OCLN: variants seen among roughly 807,000 people sequenced by gnomAD.
OCLN encodes phosphatase 1, regulatory subunit 115.
Under a neutral mutation model 47.9 loss-of-function variants are expected in OCLN, and 21 were observed. The ratio of observed to expected loss-of-function variants is 0.44; its 90% CI spans 0.31 to 0.63. The LOEUF is 0.63. Among genes scored for constraint, OCLN ranks in the 30% least tolerant of loss-of-function variants. OCLN has a pLI of 0.08. For synonymous variants in OCLN, 117 were observed against 198.4 expected, an observed-to-expected ratio of 0.59 and a Z score of 3.45; for missense variants, 360 against 571.0, an observed-to-expected ratio of 0.63 and a Z score of 3.77.
At chr5:69,522,601 A>G (rs992633978) in intron 4 of OCLN, among the ~76,000 whole-genome samples, 1 of 152,144 alleles carries the variant, frequency 6.6e-6, no homozygotes, top group Non-Finnish European at 1.5e-5. Context: ...CAGGATATAC[A>G]CTGGACCACC....
chr5:69,503,652 C>T (rs1768519137), intron 1 of OCLN, among the ~76,000 whole-genome samples: 1 of 152,088 alleles, frequency 6.6e-6, no homozygotes, highest in Non-Finnish European at 1.5e-5. Flanking sequence ...AGAAAATGAC[C>T]AATTAATACC....
At position 69,493,263 on chromosome 5, in the gene OCLN, T is replaced by C. The variant is rs1768192372; in HGVS notation, c.-69+363T>C. On this transcript the variant is annotated intron_variant, in intron 1 of 8. Transcript: ENST00000396442. The surrounding 1 kb of genome is among the most constrained non-coding windows in gnomAD (Gnocchi z 5.3). ...CCTGCATCCGCTCTGGGGCTGCAGT[T>C]TGGGGGGGCGGCCTTCATGGAGAGG... 6.6e-6 allele frequency among the ~76,000 whole-genome samples: 1 copy of C among 152,050 alleles called. No individual in the cohort carries two copies. The highest frequency in any genetic ancestry group is 2.1e-4 in the South Asian group (1 of 4,818).
chr5:69,535,991 C>T (rs899215019), intron 5 of OCLN, among the ~76,000 whole-genome samples: 2 of 152,198 alleles, frequency 1.3e-5, no homozygotes, highest in Non-Finnish European at 2.9e-5. Flanking sequence ...TGGCGCATGC[C>T]TGTAATCCCA....
At chr5:69,533,310 C>A (rs1769500450) in intron 4 of OCLN, among the ~76,000 whole-genome samples, 1 of 152,094 alleles carries the variant, frequency 6.6e-6, no homozygotes, top group Non-Finnish European at 1.5e-5. Flanking sequence ...CTGCCTGGGA[C>A]ATGCTTCCAA....
At chr5:69,512,411 C>A (rs1430328238) in intron 3 of OCLN, among the ~76,000 whole-genome samples, 1 of 152,204 alleles carries the variant, frequency 6.6e-6, no homozygotes, top group Admixed American at 6.5e-5. Flanking sequence ...CTGCATTAAT[C>A]ATATGTCCTA....
chr5:69,524,653 T>C (rs892169428), intron 4 of OCLN, among the ~76,000 whole-genome samples: 1 of 152,220 alleles, frequency 6.6e-6, no homozygotes, highest in Non-Finnish European at 1.5e-5. Flanking sequence ...TTTGGATTAT[T>C]AAGACCATTA....
intron 1 of OCLN, among the ~76,000 whole-genome samples, chr5:69,502,059 C>T (rs764458509): frequency 7.2e-5 from 11 of 151,904 alleles, no homozygotes; most frequent in Non-Finnish European, 1.5e-4. Flanking sequence ...ATTAGCCGGG[C>T]GTGGCAGCGT....
intron 4 of OCLN, among the ~76,000 whole-genome samples, chr5:69,515,102 C>T (rs1232341335): frequency 3.3e-5 from 5 of 151,574 alleles, no homozygotes; most frequent in African/African-American, 4.8e-5. Flanking sequence ...TAGGGGCGGC[C>T]GGGCAGAGGC....
intron 1 of OCLN, 61 bp from the exon 2 acceptor site, chr5:69,504,116 G>T: frequency 1.4e-6 from 1 of 734,216 alleles, no homozygotes; most frequent in Non-Finnish European, 2.5e-6. Context: ...GGGGTGGGAT[G>T]AAGAAAAGAA....
At chr5:69,514,400 C>T (rs181956111) in intron 4 of OCLN, among the ~76,000 whole-genome samples, 2 of 152,286 alleles carry the variant, frequency 1.3e-5, no homozygotes, top group African/African-American at 4.8e-5. Context: ...AAAACTACTT[C>T]TTCCCTCTAC....
At chr5:69,524,832 G>A (rs975632568) in intron 4 of OCLN, among the ~76,000 whole-genome samples, 3 of 152,216 alleles carry the variant, frequency 2.0e-5, no homozygotes, top group East Asian at 1.9e-4. Context: ...GATTATAGGC[G>A]TATGCCACCA....
chr5:69,507,528 T>C (rs1299844107), intron 2 of OCLN, among the ~76,000 whole-genome samples: 1 of 152,242 alleles, frequency 6.6e-6, no homozygotes, highest in Non-Finnish European at 1.5e-5. Flanking sequence ...TCATAGTTCA[T>C]CAGTTTTGGC....
intron 4 of OCLN, among the ~76,000 whole-genome samples, chr5:69,524,474 T>C (rs978382706): frequency 5.9e-5 from 9 of 152,232 alleles, no homozygotes; most frequent in Admixed American, 5.9e-4. Flanking sequence ...TTTTTAACTT[T>C]GTAGAAGGTG....
intron 4 of OCLN, among the ~76,000 whole-genome samples, chr5:69,515,500 C>A (rs1287219953): frequency 5.9e-5 from 7 of 119,172 alleles, no homozygotes; most frequent in East Asian, 2.7e-4. Flanking sequence ...AGGCGCCCCT[C>A]ACCTCCCGGA....
At chr5:69,548,997 A>G (rs1353986147) in intron 7 of OCLN, among the ~76,000 whole-genome samples, 5 of 147,536 alleles carry the variant, frequency 3.4e-5, no homozygotes, top group Non-Finnish European at 6.0e-5. Flanking sequence ...TAGCCTTATT[A>G]TCTTTCCTAT....
chr5:69,497,629 C>G (rs924726326), intron 1 of OCLN, among the ~76,000 whole-genome samples: 1 of 152,032 alleles, frequency 6.6e-6, no homozygotes, highest in Non-Finnish European at 1.5e-5. Context: ...GATCCACCCG[C>G]CTCGTCCTCC....
intron 3 of OCLN, among the ~76,000 whole-genome samples, chr5:69,510,440 G>A (rs1768747208): frequency 6.6e-6 from 1 of 152,096 alleles, no homozygotes; most frequent in Non-Finnish European, 1.5e-5. Flanking sequence ...CCAGCACTTT[G>A]GGAGGCTGAG....
chr5:69,530,931 G>A (rs977022253), intron 4 of OCLN, among the ~76,000 whole-genome samples: 2 of 152,198 alleles, frequency 1.3e-5, no homozygotes, highest in East Asian at 1.9e-4. Context: ...TGGGGCTCCC[G>A]ATTTGTGCCA....
In OCLN at chr5:69,509,448, T is replaced by C. The variant is rs138515133; in HGVS notation, c.358T>C (p.Tyr120His). 8.1e-6 allele frequency: 13 copies of C among 1,614,096 alleles called. No homozygotes were observed. In the Admixed American group the frequency reaches 1.0e-4, roughly 12 times the overall value. Residue 120 changes from tyrosine to histidine, a missense_variant, in exon 3 of 9, where the codon TAT (tyrosine) becomes CAT (histidine). Physicochemically the swap from Tyr to His is moderately conservative, Grantham distance 83. Transcript: ENST00000396442. ...TGGTAGCTACGGAAGTGGCTATGGC[T>C]ATGGCTATGGTTATGGCTATGGCTA... The part of the protein sequence containing the change: ...GFGSYGSGYG[Y>H]GYGYGYGYGG...
Sources: gnomAD v4.1 joint callset for allele counts (sites outside exome capture counted in the v4.1 genomes callset) on GRCh38, gnomAD v4.1.1 for gene constraint, Gnocchi (gnomAD v3.1) non-coding constraint, MANE v1.5 for transcripts, NCBI Gene and HGNC (gene_info 2026-07-23, HGNC 2026-07-21) for gene names.